Variants in RPIA observed in about 807,000 individuals in gnomAD.
RPIA encodes the protein ribose-5-phosphate isomerase.
In RPIA, 29 loss-of-function variants were observed where a neutral mutation model predicts 37.8. The observed-to-expected ratio is 0.77, with a 90% CI of 0.57 to 1.05. The LOEUF (loss-of-function observed/expected upper bound fraction) is 1.05, where lower values mean the gene tolerates loss of function less well. RPIA is among the 50% of genes least tolerant of loss of function. The pLI is 0.00. For synonymous variants in RPIA, 167 were observed against 157.0 expected, an observed-to-expected ratio of 1.06 and a Z score of -0.48; for missense variants, 385 against 413.6, an observed-to-expected ratio of 0.93 and a Z score of 0.60.
Position 88,734,597 on chromosome 2 carries a change from A to C in RPIA, c.508A>C (p.Asn170His). 3.7e-6 allele frequency: 6 copies of C among 1,614,212 alleles called. No homozygotes were observed. The highest frequency in any genetic ancestry group is 5.1e-6 in the Non-Finnish European group (6 of 1,180,030). The change falls in exon 5 of 9, where the codon AAT becomes CAT. Residue 170 changes from asparagine (N) to histidine (H), a missense_variant. Coordinates refer to ENST00000283646, the MANE Select transcript of RPIA (RefSeq NM_144563.3). ...TGCTGATGAAGTAGATGCTGATCTC[A>C]ATCTCATCAAGGGTGGCGGGTGAGT... ...DGADEVDADL[N>H]LIKGGGGCLT... is the part of the protein sequence containing the mutation.
chr2:88,700,056 TCCTTC>T lies in RPIA; in HGVS notation c.396_400del (p.Phe133GlyfsTer14). 1 of 1,614,206 alleles carries T rather than the reference TCCTTC, an allele frequency of 6.2e-7. No individual in the cohort carries two copies. The highest frequency in any genetic ancestry group is 8.5e-7 in the Non-Finnish European group (1 of 1,179,992). On this transcript the variant is annotated frameshift_variant, in exon 3 of 9. Coordinates refer to ENST00000283646, the MANE Select transcript of RPIA (RefSeq NM_144563.3). LOFTEE classifies it high-confidence loss of function. ...TCTGAACCTCGTCTGTATTCCCACT[TCCTTC>T]CAGGTATGTCCTGCTTTCCATCTGC...
intron 1 of RPIA, among the ~76,000 whole-genome samples, chr2:88,694,295 A>C (rs1007269618): frequency 2.0e-5 from 3 of 152,340 alleles, no homozygotes; most frequent in Non-Finnish European, 2.9e-5. Context: ...TAGGTCTGGC[A>C]GGGCCTTGCA....
At chr2:88,702,011 T>C (rs531534243) in intron 3 of RPIA, among the ~76,000 whole-genome samples, 3 of 152,382 alleles carry the variant, frequency 2.0e-5, no homozygotes, top group South Asian at 4.1e-4. Context: ...TAGATTTTGA[T>C]AGTCTGTGAC....
chr2:88,723,474 G>A (rs1308683851), intron 3 of RPIA, among the ~76,000 whole-genome samples: 1 of 152,144 alleles, frequency 6.6e-6, no homozygotes, highest in African/African-American at 2.4e-5. Flanking sequence ...GGTGGGGGGA[G>A]TTCTACAGCA....
intron 1 of RPIA, among the ~76,000 whole-genome samples, chr2:88,695,640 TG>T (rs1672730953): frequency 6.6e-6 from 1 of 152,218 alleles, no homozygotes. Context: ...ATCATTTACT[TG>T]TCTTGAAGTC....
intron 3 of RPIA, among the ~76,000 whole-genome samples, chr2:88,701,130 T>G (rs1276556369): frequency 6.6e-6 from 1 of 152,042 alleles, no homozygotes; most frequent in Non-Finnish European, 1.5e-5. Context: ...GGTAGACAGG[T>G]TAGGGAGTTG....
chr2:88,708,178 A>G (rs112891228), intron 3 of RPIA, among the ~76,000 whole-genome samples: 136 of 152,320 alleles, frequency 8.9e-4, no homozygotes, highest in African/African-American at 3.2e-3. Flanking sequence ...AATTTGGGCA[A>G]TGTTGTCTAT....
intron 1 of RPIA, among the ~76,000 whole-genome samples, chr2:88,694,899 C>T (rs1047097169): frequency 6.7e-6 from 1 of 149,198 alleles, no homozygotes; most frequent in African/African-American, 2.5e-5. Flanking sequence ...GGATCATGCC[C>T]TTTTTGTTCA....
At chr2:88,713,120 A>ATATATATATATATATAT (rs1041923467) in intron 3 of RPIA, among the ~76,000 whole-genome samples, 6 of 65,282 alleles carry the variant, frequency 9.2e-5, no homozygotes, top group African/African-American at 4.8e-4. Flanking sequence ...ATATATATAT[A>ATATATATATATATATAT]TTTTTTTTTT....
chr2:88,740,968 C>T (rs762765844), intron 8 of RPIA, among the ~76,000 whole-genome samples: 1 of 152,170 alleles, frequency 6.6e-6, no homozygotes, highest in Non-Finnish European at 1.5e-5. Context: ...TTGTGTTCAG[C>T]AACTCTTTGC....
intron 8 of RPIA, among the ~76,000 whole-genome samples, chr2:88,740,240 C>T (rs1673366685): frequency 6.6e-6 from 1 of 152,110 alleles, no homozygotes; most frequent in Non-Finnish European, 1.5e-5. Context: ...GCTTAAGGTT[C>T]TGAAATGTCC....
intron 3 of RPIA, among the ~76,000 whole-genome samples, chr2:88,725,628 G>A (rs1221987048): frequency 6.6e-6 from 1 of 152,140 alleles, no homozygotes; most frequent in Non-Finnish European, 1.5e-5. Flanking sequence ...CTGATTTAGA[G>A]CTTACTCTAA....
rs191242253 is a variant in RPIA at position 88,706,878 on chromosome 2, A to T, written c.402+6814A>T. 2.0e-4 allele frequency among the ~76,000 whole-genome samples: 31 copies of T among 152,354 alleles called. No individual in the cohort carries two copies. The East Asian group carries it at 5.8e-3, about 28-fold the overall frequency. ...GGGAAAAATGGGTATTACTTAAAAA[A>T]ATCTCTATTCCTACTAACACTATGT... On this transcript the variant is annotated intron_variant, in intron 3 of 8. Coordinates refer to ENST00000283646, the MANE Select transcript of RPIA (RefSeq NM_144563.3).
At chr2:88,744,249 T>G (rs1673416316) in intron 8 of RPIA, among the ~76,000 whole-genome samples, 1 of 152,246 alleles carries the variant, frequency 6.6e-6, no homozygotes, top group African/African-American at 2.4e-5. Flanking sequence ...TCCATCTTGA[T>G]TTCATTGTTG....
chr2:88,720,997 A>C (rs1036257494), intron 3 of RPIA, among the ~76,000 whole-genome samples: 39 of 152,234 alleles, frequency 2.6e-4, no homozygotes, highest in Non-Finnish European at 3.4e-4. Context: ...TGGATAAAGA[A>C]AATGTGGCAC....
At chr2:88,701,843 C>T (rs1004744638) in intron 3 of RPIA, among the ~76,000 whole-genome samples, 1 of 152,166 alleles carries the variant, frequency 6.6e-6, no homozygotes, top group African/African-American at 2.4e-5. Flanking sequence ...GATGAGCTAA[C>T]ATAATTTTGG....
Position 88,735,764 on chromosome 2 carries a change from A to G in RPIA, c.596+27A>G. The G allele has an allele frequency of 1.9e-6, 3 of 1,609,748 alleles. No individual in the cohort carries two copies. The African/African-American group carries it at 4.0e-5, about 21-fold the overall frequency. On this transcript the variant is annotated intron_variant, in intron 6 of 8. Transcript: ENST00000283646. Reference sequence around the variant, plus strand: ...TACAGTTTCTGGTGTCTGAGCTGCCAACTGAGGAGGTAGATTGGATCCCCA... The same window carrying G: ...TACAGTTTCTGGTGTCTGAGCTGCCGACTGAGGAGGTAGATTGGATCCCCA...
chr2:88,712,705 G>T (rs1672974359), intron 3 of RPIA, among the ~76,000 whole-genome samples: 1 of 152,078 alleles, frequency 6.6e-6, no homozygotes, highest in Admixed American at 6.6e-5. Context: ...AGCACAGTGG[G>T]TATCCCACTT....
intron 8 of RPIA, among the ~76,000 whole-genome samples, chr2:88,744,948 T>TGCCATTGTGTATCTTTTTATTC: frequency 6.6e-6 from 1 of 152,302 alleles, no homozygotes; most frequent in Non-Finnish European, 1.5e-5. Flanking sequence ...TTATGCATTC[T>TGCCATTGTGTATCTTTTTATTC]GCCATTGTGT....
Sources: allele counts gnomAD v4.1 joint callset (sites outside exome capture counted in the v4.1 genomes callset), GRCh38; gene constraint gnomAD v4.1.1; transcripts MANE v1.5; gene names NCBI Gene and HGNC (gene_info 2026-07-23, HGNC 2026-07-21).